SLC39A11: variants seen among roughly 807,000 people sequenced by gnomAD.
The protein encoded by SLC39A11 is zinc transporter ZIP11.
Under a neutral mutation model 36.1 loss-of-function variants are expected in SLC39A11, and 33 were observed. The ratio of observed to expected loss-of-function variants is 0.91; its 90% CI spans 0.69 to 1.22. SLC39A11 has a LOEUF of 1.22. Ranked by LOEUF, SLC39A11 falls within the 50% of genes most tolerant of loss-of-function variation. The pLI, the probability that SLC39A11 is intolerant of heterozygous loss-of-function variation, is 0.00. For missense variants in SLC39A11, 432 were observed against 430.3 expected (o/e 1.00, Z -0.03); for synonymous variants, 166 against 170.3 (o/e 0.97, Z 0.20).
intron 5 of SLC39A11, among the ~76,000 whole-genome samples, chr17:72,914,047 A>C (rs2083187617): frequency 6.7e-6 from 1 of 149,436 alleles, no homozygotes; most frequent in African/African-American, 2.5e-5. Flanking sequence ...ATGCGTGGTG[A>C]CTCACGCCTG....
chr17:72,791,449 C>G (rs1195461836), intron 6 of SLC39A11, among the ~76,000 whole-genome samples: 1 of 152,172 alleles, frequency 6.6e-6, no homozygotes, highest in African/African-American at 2.4e-5. Flanking sequence ...GAAACTCTGT[C>G]TCAAAACAAA....
chr17:72,936,064 G>A (rs1177158802), intron 5 of SLC39A11, among the ~76,000 whole-genome samples: 1 of 152,102 alleles, frequency 6.6e-6, no homozygotes, highest in African/African-American at 2.4e-5. Context: ...TGAGTGTGGT[G>A]GTATTCGCCT....
At chr17:72,916,736 T>A (rs1002790456) in intron 5 of SLC39A11, among the ~76,000 whole-genome samples, 2 of 152,116 alleles carry the variant, frequency 1.3e-5, no homozygotes, top group Non-Finnish European at 2.9e-5. Flanking sequence ...GGTCCATATA[T>A]ACCCTATTCC....
chr17:72,849,622 G>T lies in SLC39A11; in HGVS notation c.601+12C>A. 6.8e-7 allele frequency: 1 copy of T among 1,479,936 alleles called. No homozygotes were observed. The highest frequency in any genetic ancestry group is 9.0e-7 in the Non-Finnish European group (1 of 1,110,370). The allele number at this position is 1,479,936 out of a possible 1,614,324, so 91.7% of individuals were successfully genotyped here. On this transcript the variant is annotated intron_variant, in intron 6 of 9. Transcript: ENST00000255559. Reference sequence around the variant, plus strand: ...CAGGCAGTGGCTGTCACGCTCACGGGCAAGACCTCACCTGGAACGTTGTGT... The same window carrying T: ...CAGGCAGTGGCTGTCACGCTCACGGTCAAGACCTCACCTGGAACGTTGTGT...
At chr17:72,882,956 C>T (rs933128403) in intron 5 of SLC39A11, among the ~76,000 whole-genome samples, 5 of 151,904 alleles carry the variant, frequency 3.3e-5, no homozygotes, top group Non-Finnish European at 7.4e-5. Flanking sequence ...GCCATGACAC[C>T]TGGCTAATTT....
At chr17:72,870,860 G>A (rs1433637885) in intron 5 of SLC39A11, among the ~76,000 whole-genome samples, 1 of 152,198 alleles carries the variant, frequency 6.6e-6, no homozygotes, top group African/African-American at 2.4e-5. Flanking sequence ...AGATCTGCAG[G>A]TGGAGAGGTA....
intron 5 of SLC39A11, among the ~76,000 whole-genome samples, chr17:72,865,411 G>GAAAAA (rs34706790): frequency 8.8e-6 from 1 of 113,210 alleles, no homozygotes. Context: ...AAAACTGCTC[G>GAAAAA]AAAAAAAAAA....
intron 6 of SLC39A11, among the ~76,000 whole-genome samples, chr17:72,831,936 G>T (rs940013041): frequency 2.0e-5 from 3 of 152,152 alleles, no homozygotes; most frequent in Non-Finnish European, 1.5e-5. Context: ...TAAAGACGCC[G>T]ATAGAACTAT....
At chr17:73,020,380 C>T (rs2058301144) in intron 4 of SLC39A11, among the ~76,000 whole-genome samples, 1 of 152,160 alleles carries the variant, frequency 6.6e-6, no homozygotes, top group South Asian at 2.1e-4. Context: ...AAGAAGGTGG[C>T]CATCTGCAAG....
chr17:73,019,073 T>C (rs1225406350), intron 4 of SLC39A11, among the ~76,000 whole-genome samples: 1 of 152,168 alleles, frequency 6.6e-6, no homozygotes, highest in Non-Finnish European at 1.5e-5. Context: ...TAGAATTCTA[T>C]ATCCAGTGAA....
intron 7 of SLC39A11, among the ~76,000 whole-genome samples, chr17:72,689,154 G>C (rs529175979): frequency 1.3e-5 from 2 of 152,334 alleles, no homozygotes; most frequent in Non-Finnish European, 2.9e-5. Flanking sequence ...CAGCCTTGTA[G>C]GTGGCTGGCC....
At chr17:72,890,540 A>G (rs774754155) in intron 5 of SLC39A11, among the ~76,000 whole-genome samples, 4 of 152,198 alleles carry the variant, frequency 2.6e-5, no homozygotes, top group Non-Finnish European at 5.9e-5. Flanking sequence ...TCTTCTGGGT[A>G]TAAGTAATAA....
chr17:72,647,478 G>A lies in SLC39A11; in HGVS notation c.*106C>T. 2 of 824,880 alleles carry A rather than the reference G, an allele frequency of 2.4e-6. No homozygotes were observed. The highest frequency in any genetic ancestry group is 3.9e-6 in the Non-Finnish European group (2 of 516,958). The allele number at this position is 824,880 out of a possible 1,614,324, so 51.1% of individuals were successfully genotyped here. On this transcript the variant is annotated 3_prime_UTR_variant, in exon 10 of 10. Transcript: ENST00000255559. ...TCAGGATAATGAGATGAAGAAGAGA[G>A]GAAGGAAAAAAGTTTTAATGTGAAG...
intron 7 of SLC39A11, among the ~76,000 whole-genome samples, chr17:72,657,515 C>T (rs1184780688): frequency 6.6e-6 from 1 of 152,230 alleles, no homozygotes; most frequent in Non-Finnish European, 1.5e-5. Flanking sequence ...TGGTTTACCT[C>T]ATTAGAATGT....
intron 7 of SLC39A11, among the ~76,000 whole-genome samples, chr17:72,717,551 C>G (rs1010701567): frequency 2.0e-5 from 3 of 152,232 alleles, no homozygotes; most frequent in African/African-American, 7.2e-5. Flanking sequence ...CTTCCCTCCA[C>G]GTGTCCCTGT....
At chr17:72,672,528 A>G (rs1435894694) in intron 7 of SLC39A11, among the ~76,000 whole-genome samples, 2 of 152,234 alleles carry the variant, frequency 1.3e-5, no homozygotes, top group African/African-American at 4.8e-5. Context: ...ATTCATCTTA[A>G]CCTAAAAAGA....
intron 4 of SLC39A11, among the ~76,000 whole-genome samples, chr17:73,012,195 G>A (rs1010267592): frequency 1.2e-4 from 18 of 151,916 alleles, no homozygotes; most frequent in Admixed American, 2.0e-4. Context: ...AGAATTGCTT[G>A]AACCCGGGAA....
intron 6 of SLC39A11, among the ~76,000 whole-genome samples, chr17:72,812,262 C>G (rs1377945516): frequency 6.6e-6 from 1 of 152,204 alleles, no homozygotes; most frequent in Non-Finnish European, 1.5e-5. Context: ...ACCTGATGGG[C>G]TGGCAAACTT....
chr17:73,064,106 AAAAG>A (rs1448482844), intron 3 of SLC39A11, among the ~76,000 whole-genome samples: 1 of 152,210 alleles, frequency 6.6e-6, no homozygotes, highest in Non-Finnish European at 1.5e-5. Context: ...GGAAATAAAA[AAAAG>A]AAAGAAAACC....
Sources: gnomAD v4.1 joint callset for allele counts (sites outside exome capture counted in the v4.1 genomes callset) on GRCh38, gnomAD v4.1.1 for gene constraint, MANE v1.5 for transcripts, NCBI Gene and HGNC (gene_info 2026-07-23, HGNC 2026-07-21) for gene names.